PITPNC1: variants seen among roughly 807,000 people sequenced by gnomAD.
The protein encoded by PITPNC1 is phosphatidylinositol transfer protein cytoplasmic 1.
PITPNC1 carries 18 observed loss-of-function variants against 44.7 expected under a neutral mutation model. The observed-to-expected ratio is 0.40, with a 90% CI of 0.28 to 0.60. The LOEUF (loss-of-function observed/expected upper bound fraction) is 0.60, where lower values mean the gene tolerates loss of function less well. Ranked by LOEUF, PITPNC1 falls within the 20% of genes least tolerant of loss-of-function variation. The pLI is 0.39. For missense variants in PITPNC1, 290 were observed against 418.4 expected, an observed-to-expected ratio of 0.69 and a Z score of 2.68; for synonymous variants, 141 against 149.6, an observed-to-expected ratio of 0.94 and a Z score of 0.42.
intron 6 of PITPNC1, among the ~76,000 whole-genome samples, chr17:67,645,343 G>GA (rs57827214): frequency 0.17 from 14,151 of 81,124 alleles, 1,257 homozygotes; most frequent in African/African-American, 0.31. Flanking sequence ...CTCCATCTCA[G>GA]AAAAAAAAAA....
At chr17:67,380,660 A>G (rs2037944773) in intron 1 of PITPNC1, among the ~76,000 whole-genome samples, 1 of 152,214 alleles carries the variant, frequency 6.6e-6, no homozygotes, top group Non-Finnish European at 1.5e-5. Flanking sequence ...AACTGATAGT[A>G]AATTCCACAG....
At chr17:67,539,459 A>G (rs772744209) in intron 2 of PITPNC1, among the ~76,000 whole-genome samples, 2 of 152,234 alleles carry the variant, frequency 1.3e-5, no homozygotes, top group Non-Finnish European at 2.9e-5. Flanking sequence ...GTAATGGAAA[A>G]TTCCACAGCA....
intron 1 of PITPNC1, among the ~76,000 whole-genome samples, chr17:67,472,128 C>A: frequency 6.6e-6 from 1 of 151,786 alleles, no homozygotes. Context: ...ATGATATCTA[C>A]CTGATTGCTC....
chr17:67,452,766 G>A (rs1272526928), intron 1 of PITPNC1, among the ~76,000 whole-genome samples: 11 of 152,302 alleles, frequency 7.2e-5, no homozygotes, highest in Admixed American at 2.6e-4. Flanking sequence ...GATTACAGGC[G>A]TGAGCCACTG....
intron 1 of PITPNC1, among the ~76,000 whole-genome samples, chr17:67,470,856 T>C (rs1204055797): frequency 3.5e-5 from 5 of 141,662 alleles, no homozygotes; most frequent in Non-Finnish European, 1.5e-5. Flanking sequence ...TGTTCTGCAC[T>C]AAGAAAAATT....
intron 1 of PITPNC1, among the ~76,000 whole-genome samples, chr17:67,436,153 C>T: frequency 6.7e-6 from 1 of 150,322 alleles, no homozygotes. Context: ...CCACCACACC[C>T]AGCCACCCAG....
At chr17:67,408,733 T>TTCCTTCCTTC (rs1567978464) in intron 1 of PITPNC1, 5 of 140,012 alleles carry the variant, frequency 3.6e-5, no homozygotes, top group African/African-American at 8.0e-5. Flanking sequence ...TTCCTTCCTT[T>TTCCTTCCTTC]CTTTCTTTCT....
intron 1 of PITPNC1, among the ~76,000 whole-genome samples, chr17:67,490,694 T>C (rs1000737018): frequency 2.0e-5 from 3 of 152,128 alleles, no homozygotes; most frequent in Admixed American, 1.3e-4. Context: ...GGATCCGTAA[T>C]GAATAAGAAA....
intron 1 of PITPNC1, among the ~76,000 whole-genome samples, chr17:67,456,784 T>C (rs2949950): frequency 0.38 from 57,045 of 151,992 alleles, 11,842 homozygotes; most frequent in African/African-American, 0.56. Flanking sequence ...AAGTACTCTT[T>C]TATGTACACA....
intron 1 of PITPNC1, among the ~76,000 whole-genome samples, chr17:67,522,497 T>A (rs1197027049): frequency 6.6e-6 from 1 of 152,110 alleles, no homozygotes; most frequent in African/African-American, 2.4e-5. Flanking sequence ...AGAAATAATT[T>A]TAAAAATTAT....
intron 4 of PITPNC1, among the ~76,000 whole-genome samples, chr17:67,557,456 G>GTGT (rs2040853536): frequency 6.6e-6 from 1 of 152,212 alleles, no homozygotes; most frequent in South Asian, 2.1e-4. Context: ...GCAGGTCGTG[G>GTGT]TGTTTTCAAT....
At chr17:67,417,055 C>G (rs1729365686) in intron 1 of PITPNC1, among the ~76,000 whole-genome samples, 2 of 152,076 alleles carry the variant, frequency 1.3e-5, no homozygotes, top group Non-Finnish European at 2.9e-5. Flanking sequence ...CTCAGGTGAT[C>G]CGACCGCCTC....
intron 1 of PITPNC1, among the ~76,000 whole-genome samples, chr17:67,500,770 A>G (rs1263046918): frequency 6.6e-6 from 1 of 151,952 alleles, no homozygotes; most frequent in Non-Finnish European, 1.5e-5. Flanking sequence ...TGAAGCCTCA[A>G]ACTCCTGGGC....
At chr17:67,626,936 A>G (rs2041903604) in intron 5 of PITPNC1, among the ~76,000 whole-genome samples, 1 of 152,216 alleles carries the variant, frequency 6.6e-6, no homozygotes, top group South Asian at 2.1e-4. Flanking sequence ...TTGAGCACCT[A>G]TGAACATCTC....
chr17:67,476,759 A>G (rs558150784), intron 1 of PITPNC1, among the ~76,000 whole-genome samples: 1 of 152,012 alleles, frequency 6.6e-6, no homozygotes, highest in Non-Finnish European at 1.5e-5. Flanking sequence ...TTCTGGCATT[A>G]CAGGTGTGAG....
chr17:67,424,806 T>C (rs7405891), intron 1 of PITPNC1, among the ~76,000 whole-genome samples: 152,062 of 152,062 alleles, frequency 1, 76,031 homozygotes, highest in Non-Finnish European at 1. Context: ...GGCGATTCTC[T>C]TGCCTCAGTG....
chr17:67,391,060 C>CGTGTGTGTGTGT (rs80236076), intron 1 of PITPNC1, among the ~76,000 whole-genome samples: 3,468 of 146,846 alleles, frequency 0.024, 117 homozygotes, highest in African/African-American at 0.067. Flanking sequence ...ACTTTTTTAG[C>CGTGTGTGTGTGT]GTGTGTGTGT....
At chr17:67,405,212 A>G (rs2038377215) in intron 1 of PITPNC1, among the ~76,000 whole-genome samples, 1 of 151,994 alleles carries the variant, frequency 6.6e-6, no homozygotes, top group African/African-American at 2.4e-5. Flanking sequence ...GTGCCACTGC[A>G]TTCCAGCCTG....
chr17:67,461,411 T>C (rs1013409084), intron 1 of PITPNC1, among the ~76,000 whole-genome samples: 2 of 152,238 alleles, frequency 1.3e-5, no homozygotes, highest in Non-Finnish European at 2.9e-5. Flanking sequence ...TGAAGGATAC[T>C]AAGCATCCTA....
Sources: allele counts gnomAD v4.1 joint callset (sites outside exome capture counted in the v4.1 genomes callset), GRCh38; gene constraint gnomAD v4.1.1; transcripts MANE v1.5; gene names NCBI Gene and HGNC (gene_info 2026-07-23, HGNC 2026-07-21).